Variants in LIMK2 observed in about 807,000 individuals in gnomAD.
The protein encoded by LIMK2 is LIM domain kinase 2.
A neutral mutation model predicts 75.7 loss-of-function variants in LIMK2; 35 were observed. The observed-to-expected ratio is 0.46, with a 90% CI of 0.35 to 0.61. LIMK2 has a LOEUF of 0.61. Among genes scored for constraint, LIMK2 ranks in the 20% least tolerant of loss-of-function variants. The pLI is 0.00. For synonymous variants in LIMK2, 301 were observed against 319.2 expected (o/e 0.94, Z 0.61); for missense variants, 623 against 831.0 (o/e 0.75, Z 3.08).
At chr22:31,276,862 G>T (rs776804797) in intron 15 of LIMK2, 2 of 1,612,324 alleles carry the variant, frequency 1.2e-6, no homozygotes, top group South Asian at 2.2e-5. Context: ...CCAAGGGAAG[G>T]TCACCATCAA....
At chr22:31,226,662 TACAGTGATGTG>T (rs1189355520) in intron 2 of LIMK2, among the ~76,000 whole-genome samples, 1 of 152,162 alleles carries the variant, frequency 6.6e-6, no homozygotes, top group Non-Finnish European at 1.5e-5. Context: ...CAGGCTGGTG[TACAGTGATGTG>T]ATCTTGGCTC....
intron 11 of LIMK2, among the ~76,000 whole-genome samples, chr22:31,269,931 G>A (rs2048938748): frequency 6.6e-6 from 1 of 150,622 alleles, no homozygotes; most frequent in Admixed American, 6.6e-5. Context: ...GCCGGGTGGA[G>A]TCAGAATGGA....
intron 8 of LIMK2, 70 bp from the exon 9 acceptor site, chr22:31,266,914 T>C: frequency 9.1e-7 from 1 of 1,101,292 alleles, no homozygotes; most frequent in Non-Finnish European, 1.4e-6. Context: ...GCCAGCTGCA[T>C]AGATTTTCTC....
intron 2 of LIMK2, among the ~76,000 whole-genome samples, chr22:31,245,910 C>T (rs1266785526): frequency 6.6e-6 from 1 of 151,832 alleles, no homozygotes; most frequent in Non-Finnish European, 1.5e-5. Context: ...CAGTGGCTCA[C>T]ACCTATAATC....
chr22:31,277,589 CTT>C (rs1313506576), intron 15 of LIMK2: 4 of 958,664 alleles, frequency 4.2e-6, no homozygotes, highest in South Asian at 4.7e-5. Flanking sequence ...TCTAATACCT[CTT>C]GTCATTCTAA....
chr22:31,244,526 C>A (rs1433498997), intron 2 of LIMK2, among the ~76,000 whole-genome samples: 4 of 152,060 alleles, frequency 2.6e-5, no homozygotes, highest in Non-Finnish European at 5.9e-5. Flanking sequence ...TCCTCTGTGG[C>A]CCTTGTGTGT....
rs556382332 is a variant in LIMK2 at position 31,217,397 on chromosome 22, A to AG, written c.16+4974dup. Among the ~76,000 whole-genome samples, 23 of 150,788 alleles carry AG rather than the reference A, an allele frequency of 1.5e-4. No homozygotes were observed. The South Asian group carries it at 4.7e-3, about 31-fold the overall frequency. ...GGGTGACAGAGCGAGACTCCGTCTC[A>AG]GAAAAAAAAAAAAAGACAGGCTTTG... On this transcript the variant is annotated intron_variant, in intron 1 of 15. Coordinates refer to ENST00000331728, the MANE Select transcript of LIMK2 (RefSeq NM_005569.4).
chr22:31,279,960 G>C lies in LIMK2; in HGVS notation c.*1519G>C, dbSNP rs1342272359. On this transcript the variant is annotated 3_prime_UTR_variant, in exon 16 of 16. Coordinates refer to ENST00000331728, the MANE Select transcript of LIMK2 (RefSeq NM_005569.4). Reference sequence around the variant, plus strand: ...GCTGAGCCCTGGACTCCCAGCAGCAGCACAGTTCAGCATTGTGTGGCTGGT... The same window carrying C: ...GCTGAGCCCTGGACTCCCAGCAGCACCACAGTTCAGCATTGTGTGGCTGGT... 1 of 152,410 alleles carries C rather than the reference G, an allele frequency of 6.6e-6. No homozygotes were observed. The highest frequency in any genetic ancestry group is 1.9e-4 in the East Asian group (1 of 5,200). The allele number at this position is 152,410 out of a possible 1,614,324, so 9.4% of individuals were successfully genotyped here.
intron 10 of LIMK2, 114 bp downstream of exon 10, chr22:31,268,021 C>T (rs941629778): frequency 6.5e-7 from 1 of 1,535,844 alleles, no homozygotes; most frequent in African/African-American, 1.4e-5. Context: ...TCCAAAGGAC[C>T]ATGCTGGGTG....
Position 31,262,337 on chromosome 22 carries a change from A to G in LIMK2, c.657+98A>G. The G allele has an allele frequency of 9.8e-7, 1 of 1,024,496 alleles. No homozygotes were observed. The highest frequency in any genetic ancestry group is 1.5e-6 in the Non-Finnish European group (1 of 658,428). 63.5% of individuals were successfully genotyped at this position (1,024,496 alleles called of 1,614,324 possible). A position where few individuals can be genotyped will look rare whatever the true frequency, so the allele number is the denominator to read the frequency against. ...CTTTACCTTTTCCTACCCCCAGCCC[A>G]TCTCTTTGTCTTAGCATTGAGCCTG... On this transcript the variant is annotated intron_variant, in intron 6 of 15. Transcript: ENST00000331728. The surrounding 1 kb of genome is among the most constrained non-coding windows in gnomAD (Gnocchi z 5.0).
At chr22:31,231,325 G>A (rs2048526535) in intron 2 of LIMK2, among the ~76,000 whole-genome samples, 3 of 152,232 alleles carry the variant, frequency 2.0e-5, no homozygotes, top group African/African-American at 4.8e-5. Context: ...TCCTGATGTA[G>A]AGTCAGTGGA....
chr22:31,248,916 C>T (rs977783733), intron 2 of LIMK2: 3 of 838,498 alleles, frequency 3.6e-6, no homozygotes, highest in Admixed American at 2.2e-5. Flanking sequence ...CAAGGAGAAT[C>T]GGCCTTGTGA....
chr22:31,277,131 G>T, intron 15 of LIMK2: 3 of 1,613,720 alleles, frequency 1.9e-6, no homozygotes, highest in South Asian at 2.2e-5. Flanking sequence ...GCACACCCCA[G>T]AAGAAGTGAG....
rs184376949 is a variant in LIMK2, at chr22:31,247,159, G to A, written c.117-11132G>A. ...CTGGCTCTTTACAATGGTGAGCGGT[G>A]TGTGCCTGGTAAGGGAGAGCTGATG... On this transcript the variant is annotated intron_variant, in intron 2 of 15. Coordinates refer to ENST00000331728, the MANE Select transcript of LIMK2 (RefSeq NM_005569.4). Among the ~76,000 whole-genome samples, 13 of 152,306 alleles carry A rather than the reference G, an allele frequency of 8.5e-5. No homozygotes were observed. The East Asian group carries it at 2.3e-3, about 27-fold the overall frequency.
intron 2 of LIMK2, among the ~76,000 whole-genome samples, chr22:31,257,938 A>G (rs1273594802): frequency 6.6e-6 from 1 of 152,202 alleles, no homozygotes; most frequent in East Asian, 1.9e-4. Flanking sequence ...AGAATCCTTT[A>G]TATATACACC....
At chr22:31,236,043 C>T (rs2048571012) in intron 2 of LIMK2, among the ~76,000 whole-genome samples, 1 of 152,134 alleles carries the variant, frequency 6.6e-6, no homozygotes, top group Non-Finnish European at 1.5e-5. Context: ...GCCTATAATC[C>T]CAGCACTTTG....
intron 7 of LIMK2, among the ~76,000 whole-genome samples, chr22:31,263,890 C>T (rs1396456877): frequency 6.6e-6 from 1 of 152,084 alleles, no homozygotes; most frequent in African/African-American, 2.4e-5. Flanking sequence ...ACTCAAGAGG[C>T]TGAGGAGGAG....
intron 1 of LIMK2, among the ~76,000 whole-genome samples, chr22:31,216,073 T>C (rs990441409): frequency 1.3e-5 from 2 of 152,114 alleles, no homozygotes; most frequent in Admixed American, 1.3e-4. Flanking sequence ...CAGGGATAAA[T>C]CCATTGAAGA....
At position 31,273,474 on chromosome 22, in the gene LIMK2, G is replaced by A. The variant is rs1217568564; in HGVS notation, c.1581G>A (p.Val527=). The change falls in exon 14 of 16, where the codon GTG becomes GTA. Residue 527 remains valine, a synonymous_variant. Transcript: ENST00000331728. ...AAGGAAAGAGCTATGATGAGACGGT[G>A]GATATCTTCTCCTTTGGGATCGTTC... The part of the protein sequence containing the change: ...MLNGKSYDET[V]DIFSFGIVLC... 1.9e-6 allele frequency: 3 copies of A among 1,613,870 alleles called. No homozygotes were observed. Among genetic ancestry groups the A allele is most frequent in the Non-Finnish European group, 8.5e-7 (1 of 1,179,842 alleles).
Sources: allele counts gnomAD v4.1 joint callset (sites outside exome capture counted in the v4.1 genomes callset), GRCh38; gene constraint gnomAD v4.1.1; non-coding constraint Gnocchi (gnomAD v3.1); transcripts MANE v1.5; gene names NCBI Gene and HGNC (gene_info 2026-07-23, HGNC 2026-07-21).